NSF: variants seen among roughly 807,000 people sequenced by gnomAD.
NSF encodes the protein vesicle-fusing ATPase.
NSF carries 14 observed loss-of-function variants against 50.3 expected under a neutral mutation model. The observed-to-expected ratio is 0.28, with a 90% CI of 0.18 to 0.44. The LOEUF is 0.44. NSF is among the 20% of genes least tolerant of loss of function. NSF has a pLI of 1.00. For missense variants in NSF, 218 were observed against 504.3 expected (o/e 0.43, Z 5.44); for synonymous variants, 109 against 175.7 (o/e 0.62, Z 3.00).
intron 13 of NSF, among the ~76,000 whole-genome samples, chr17:46,707,491 TTTC>T (rs2058668150): frequency 6.6e-6 from 1 of 152,134 alleles, no homozygotes; most frequent in African/African-American, 2.4e-5. Context: ...CTAAAACTCT[TTTC>T]TTCTTCTTGA....
At chr17:46,747,356 C>G (rs1402876657) in intron 17 of NSF, among the ~76,000 whole-genome samples, 1 of 152,188 alleles carries the variant, frequency 6.6e-6, no homozygotes, top group African/African-American at 2.4e-5. Context: ...TCTCGGCTCA[C>G]TCCAGCCTCA....
chr17:46,704,880 T>C (rs1439592669), intron 13 of NSF, 26 bp downstream of exon 13: 1 of 1,579,018 alleles, frequency 6.3e-7, no homozygotes, highest in African/African-American at 1.4e-5. Context: ...GAGTGATATA[T>C]AGGCCAAAAA....
At chr17:46,623,386 A>G (rs1348651852) in intron 1 of NSF, among the ~76,000 whole-genome samples, 1 of 26,712 alleles carries the variant, frequency 3.7e-5, no homozygotes, top group Non-Finnish European at 5.9e-5. Context: ...GTCATAGACT[A>G]TGACTACCTG....
At chr17:46,610,027 T>TTCTTTCTTTCTTTCTTTC (rs774244394) in intron 1 of NSF, among the ~76,000 whole-genome samples, 11 of 109,536 alleles carry the variant, frequency 1.0e-4, no homozygotes, top group African/African-American at 3.0e-4. Context: ...CTTTCTTTCT[T>TTCTTTCTTTCTTTCTTTC]TCTCTCTCTC....
chr17:46,722,637 A>G (rs542899172), intron 15 of NSF, among the ~76,000 whole-genome samples: 3 of 152,330 alleles, frequency 2.0e-5, no homozygotes, highest in Non-Finnish European at 4.4e-5. Context: ...TGGGCCAGAA[A>G]GGGTGAAAGG....
chr17:46,721,851 G>A, intron 15 of NSF: 1 of 1,579,592 alleles, frequency 6.3e-7, no homozygotes, highest in African/African-American at 1.3e-5. Flanking sequence ...CGGCTTTTTC[G>A]AGTTGGCTTA....
At chr17:46,735,916 T>C (rs1337234578) in intron 17 of NSF, among the ~76,000 whole-genome samples, 2 of 152,104 alleles carry the variant, frequency 1.3e-5, no homozygotes, top group Admixed American at 6.5e-5. Context: ...CTGCACTCCA[T>C]CCTGGGTGGA....
At chr17:46,717,824 C>T (rs16941095) in intron 15 of NSF, among the ~76,000 whole-genome samples, 6,847 of 152,238 alleles carry the variant, frequency 0.045, 772 homozygotes, top group East Asian at 0.36. Flanking sequence ...ACGGAAATCA[C>T]GCTTAACAAC....
chr17:46,680,529 A>G (rs1288187525), intron 9 of NSF, among the ~76,000 whole-genome samples: 1 of 150,288 alleles, frequency 6.7e-6, no homozygotes, highest in Non-Finnish European at 1.5e-5. Context: ...TAGAAGAAAA[A>G]TAGGCAAAAA....
intron 17 of NSF, among the ~76,000 whole-genome samples, chr17:46,734,685 G>A (rs1251358889): frequency 1.3e-5 from 2 of 151,884 alleles, no homozygotes; most frequent in Admixed American, 6.6e-5. Context: ...GTAAACCTGT[G>A]GACTACATAG....
intron 1 of NSF, among the ~76,000 whole-genome samples, chr17:46,613,244 A>G (rs965355924): frequency 3.0e-4 from 1 of 3,288 alleles, no homozygotes; most frequent in Admixed American, 3.3e-3. Context: ...TGCCACTGTG[A>G]TCCAGCCTGA....
chr17:46,728,943 A>C lies in NSF; in HGVS notation c.1908+9A>C, dbSNP rs184650201. 1.7e-4 allele frequency: 251 copies of C among 1,487,264 alleles called. No individual in the cohort carries two copies. The highest frequency in any genetic ancestry group is 1.0e-3 in the East Asian group (45 of 44,102). The allele number at this position is 1,487,264 out of a possible 1,614,324, so 92.1% of individuals were successfully genotyped here. Reference sequence around the variant, plus strand: ...AAAAGGCACCTCCTCAGGTAAAATAATACTACTAATAAGGAATATTTTAAC... The same window carrying C: ...AAAAGGCACCTCCTCAGGTAAAATACTACTACTAATAAGGAATATTTTAAC... On this transcript the variant is annotated intron_variant, in intron 17 of 20. Transcript: ENST00000398238.
intron 1 of NSF, among the ~76,000 whole-genome samples, chr17:46,621,128 T>C (rs1598645590): frequency 7.1e-6 from 1 of 140,114 alleles, no homozygotes; most frequent in Admixed American, 7.0e-5. Flanking sequence ...ATTCAGTGGC[T>C]ACTCTCTATC....
Position 46,755,410 on chromosome 17 carries a change from C to G in NSF, c.2213+41C>G, listed in dbSNP as rs745442000. On this transcript the variant is annotated intron_variant, in intron 20 of 20. Coordinates refer to ENST00000398238, the MANE Select transcript of NSF (RefSeq NM_006178.4). ...ATTTAATGACCATCAACCAAACTTA[C>G]CACCCTGTTAAATCCCTGTGCCTAT... The G allele has an allele frequency of 7.4e-6, 11 of 1,488,470 alleles. No homozygotes were observed. The East Asian group carries it at 2.0e-4, about 27-fold the overall frequency. The allele number at this position is 1,488,470 out of a possible 1,614,324, so 92.2% of individuals were successfully genotyped here. A position where few individuals can be genotyped will look rare whatever the true frequency, so the allele number is the denominator to read the frequency against.
At chr17:46,752,018 T>G (rs1056093712) in intron 19 of NSF, among the ~76,000 whole-genome samples, 2 of 152,164 alleles carry the variant, frequency 1.3e-5, no homozygotes, top group Non-Finnish European at 2.9e-5. Context: ...GCACCTCAAG[T>G]CAGTAAGCGA....
chr17:46,657,878 C>G (rs1422361005), intron 8 of NSF, among the ~76,000 whole-genome samples: 2 of 84,560 alleles, frequency 2.4e-5, no homozygotes, highest in Admixed American at 1.5e-4. Flanking sequence ...AACAGCAAAG[C>G]CTAGCCTCCT....
intron 19 of NSF, among the ~76,000 whole-genome samples, chr17:46,752,354 C>T (rs2059189441): frequency 6.6e-6 from 1 of 152,312 alleles, no homozygotes; most frequent in South Asian, 2.1e-4. Flanking sequence ...ATAAATACCT[C>T]CCTATCAAGC....
chr17:46,720,559 C>A (rs1049046577), intron 15 of NSF, among the ~76,000 whole-genome samples: 1 of 152,178 alleles, frequency 6.6e-6, no homozygotes, highest in African/African-American at 2.4e-5. Context: ...TTTGCTTGGT[C>A]TACTCCCAAG....
Position 46,751,419 on chromosome 17 carries a change from T to G in NSF, c.2044-84T>G, listed in dbSNP as rs1237024501. The G allele has an allele frequency of 5.1e-6, 5 of 974,012 alleles. No homozygotes were observed. In the African/African-American group the frequency reaches 8.0e-5, roughly 16 times the overall value. 60.3% of individuals were successfully genotyped at this position (974,012 alleles called of 1,614,324 possible). ...TGAACAGTTAGGTAGTTCTTATCAC[T>G]CTTCTTTTAAAGGTAAATAGAATTA... On this transcript the variant is annotated intron_variant, in intron 18 of 20. Transcript: ENST00000398238.
Sources: gnomAD v4.1 joint callset for allele counts (sites outside exome capture counted in the v4.1 genomes callset) on GRCh38, gnomAD v4.1.1 for gene constraint, MANE v1.5 for transcripts, NCBI Gene and HGNC (gene_info 2026-07-23, HGNC 2026-07-21) for gene names.